Variants in MIAT observed in about 807,000 individuals in gnomAD.
The protein encoded by MIAT is myocardial infarction associated transcript.
Position 26,659,840 on chromosome 22 carries a change from C to CTTTCTTTTT in MIAT, n.647-3473_647-3472insCTTTTTTTT, listed in dbSNP as rs1249099894. Among the ~76,000 whole-genome samples, 118 of 94,958 alleles carry CTTTCTTTTT rather than the reference C, an allele frequency of 1.2e-3. 1 individual carries two copies. The highest frequency in any genetic ancestry group is 2.2e-3 in the Non-Finnish European group (110 of 50,206). The allele number at this position is 94,958 out of a possible 152,430, so 62.3% of individuals were successfully genotyped here. A position where few individuals can be genotyped will look rare whatever the true frequency, so the allele number is the denominator to read the frequency against. On this transcript the variant is annotated intron_variant and non_coding_transcript_variant, in intron 2 of 5. Coordinates refer to ENST00000643270, the Ensembl canonical transcript of MIAT. ...TTTCTTTTTCTTTCTTTCTTTCTTT[C>CTTTCTTTTT]TTTTTTTTTTTTTTGAAACAGAGCC...
At chr22:26,649,622 A>G (rs796692149) in intron 2 of MIAT, among the ~76,000 whole-genome samples, 9 of 152,356 alleles carry the variant, frequency 5.9e-5, no homozygotes, top group African/African-American at 2.2e-4. Context: ...AAGAGATAAA[A>G]GCAGGTGGAG....
downstream of MIAT, chr22:26,671,900 C>T (rs1045680315): frequency 1.3e-5 from 5 of 398,424 alleles, no homozygotes; most frequent in African/African-American, 1.0e-4. Flanking sequence ...CTGCCTAGGC[C>T]CTGGCCTCTC....
At chr22:26,648,361 CG>C (rs1211541707) in intron 2 of MIAT, among the ~76,000 whole-genome samples, 4 of 152,114 alleles carry the variant, frequency 2.6e-5, no homozygotes, top group Non-Finnish European at 5.9e-5. Context: ...CCTGCACGCA[CG>C]TAGGCAAGCG....
At chr22:26,675,804 G>GT in exon 5 of MIAT, 1 of 398,680 alleles carries the variant, frequency 2.5e-6, no homozygotes, top group Non-Finnish European at 4.4e-6. Flanking sequence ...AGATACAAGT[G>GT]TGGAGTAAGC....
chr22:26,668,117 G>A (rs920641802), intron 5 of MIAT: 3 of 398,454 alleles, frequency 7.5e-6, no homozygotes, highest in African/African-American at 2.1e-5. Context: ...GTTGGGGATG[G>A]AGGCTGTGGC....
At chr22:26,665,410 A>G (rs745632072) in intron 3 of MIAT, 22 of 398,428 alleles carry the variant, frequency 5.5e-5, no homozygotes, top group Non-Finnish European at 8.8e-5. Context: ...GGTGTCAGCT[A>G]AAGGTCCCTT....
intron 2 of MIAT, among the ~76,000 whole-genome samples, chr22:26,655,508 C>A (rs1242390976): frequency 6.6e-6 from 1 of 152,104 alleles, no homozygotes; most frequent in South Asian, 2.1e-4. Context: ...TGTCGTGAGC[C>A]CTTACTAGGT....
At chr22:26,675,248 G>A in exon 5 of MIAT, 1 of 398,886 alleles carries the variant, frequency 2.5e-6, no homozygotes, top group South Asian at 1.3e-4. Flanking sequence ...GAGAGTGGTG[G>A]ACACCAGTTT....
rs202155948 is a variant in MIAT, at chr22:26,664,005, C to CT, written n.729+631dup. On this transcript the variant is annotated intron_variant and non_coding_transcript_variant, in intron 3 of 5. Coordinates refer to ENST00000643270, the Ensembl canonical transcript of MIAT. ...TATATATGGAAGCTTCTGTGTTCAG[C>CT]TTTTTTTTTTTTTTTTTTTTTTTTG... Among the ~76,000 whole-genome samples the CT allele has an allele frequency of 9.9e-3, 1,146 of 115,952 alleles. 18 individuals are homozygous for CT. Among genetic ancestry groups the CT allele is most frequent in the Non-Finnish European group, 0.012 (707 of 60,276 alleles). 76.1% of individuals were successfully genotyped at this position (115,952 alleles called of 152,430 possible). A position where few individuals can be genotyped will look rare whatever the true frequency, so the allele number is the denominator to read the frequency against.
chr22:26,657,163 C>T (rs903364296), intron 2 of MIAT: 4 of 212,836 alleles, frequency 1.9e-5, no homozygotes, highest in African/African-American at 6.9e-5. Context: ...GCGCGCAGCC[C>T]CCGCGCCTCT....
downstream of MIAT, chr22:26,672,661 G>A: frequency 2.5e-6 from 1 of 399,072 alleles, no homozygotes; most frequent in Non-Finnish European, 4.4e-6. Context: ...AGGAAGTCAC[G>A]AGGGGGGCGT....
intron 2 of MIAT, among the ~76,000 whole-genome samples, chr22:26,660,521 GC>G (rs1930627296): frequency 1.3e-5 from 2 of 151,246 alleles, no homozygotes; most frequent in South Asian, 4.2e-4. Context: ...TATGTATAAT[GC>G]TTTTGAAAAG....
At chr22:26,667,971 TAA>T in intron 5 of MIAT, 1 of 388,058 alleles carries the variant, frequency 2.6e-6, no homozygotes, top group Non-Finnish European at 4.5e-6. Context: ...GTGCCTGGCC[TAA>T]GTTTCTTCTA....
In MIAT at chr22:26,663,073, A is replaced by G. The variant is rs191379780; in HGVS notation, n.647-243A>G. 3.9e-5 allele frequency among the ~76,000 whole-genome samples: 6 copies of G among 152,350 alleles called. No individual in the cohort carries two copies. In the East Asian group the frequency reaches 1.2e-3, roughly 29 times the overall value. On this transcript the variant is annotated intron_variant and non_coding_transcript_variant, in intron 2 of 5. Coordinates refer to ENST00000643270, the Ensembl canonical transcript of MIAT. ...TGGTAAAGGACTTGGTCAAGGTCAC[A>G]CAGTTTGCCGGTGGCAGAGCAGCAC...
chr22:26,671,444 G>T (rs149471528), downstream of MIAT: 2 of 398,724 alleles, frequency 5.0e-6, no homozygotes, highest in Admixed American at 8.8e-5. Context: ...CAGCCGGGAC[G>T]CTGTGGCGTG....
exon 6 of MIAT, chr22:26,669,466 AG>A (rs1930966849): frequency 2.5e-6 from 1 of 397,426 alleles, no homozygotes; most frequent in Non-Finnish European, 4.4e-6. Flanking sequence ...GAGCATGAGC[AG>A]GCTCTGGTGT....
chr22:26,675,563 C>T (rs183935121), exon 5 of MIAT: 112 of 398,616 alleles, frequency 2.8e-4, no homozygotes, highest in Middle Eastern at 1.9e-3. Context: ...TTTTGATAAA[C>T]AGAATCCATA....
intron 2 of MIAT, among the ~76,000 whole-genome samples, chr22:26,647,830 G>A (rs193095146): frequency 6.6e-6 from 1 of 152,208 alleles, no homozygotes; most frequent in Non-Finnish European, 1.5e-5. Flanking sequence ...TGGGATGGGA[G>A]GGGGAATGAC....
At chr22:26,674,826 C>G (rs1457777390) in exon 5 of MIAT, 1 of 398,566 alleles carries the variant, frequency 2.5e-6, no homozygotes, top group Non-Finnish European at 4.4e-6. Flanking sequence ...ACTGCAAAGA[C>G]TTGATGCTGC....
Sources: gnomAD v4.1 joint callset for allele counts (sites outside exome capture counted in the v4.1 genomes callset) on GRCh38, gnomAD v4.1.1 for gene constraint, MANE v1.5 for transcripts, NCBI Gene and HGNC (gene_info 2026-07-23, HGNC 2026-07-21) for gene names.